Variants in UBASH3A observed in about 807,000 individuals in gnomAD.
UBASH3A encodes ubiquitin-associated and SH3 domain-containing protein A.
In UBASH3A, 63 loss-of-function variants were observed where a neutral mutation model predicts 73.5. The observed-to-expected ratio is 0.86, with a 90% CI of 0.70 to 1.06. UBASH3A has a LOEUF of 1.06. UBASH3A is among the 50% of genes least tolerant of loss of function. UBASH3A has a pLI of 0.00. For missense variants in UBASH3A, 860 were observed against 859.0 expected (o/e 1.00, Z -0.02); for synonymous variants, 363 against 351.1 (o/e 1.03, Z -0.38).
At chr21:42,444,439 A>T in intron 13 of UBASH3A, 95 bp from the exon 14 acceptor site, 1 of 924,282 alleles carries the variant, frequency 1.1e-6, no homozygotes, top group Non-Finnish European at 1.8e-6. Context: ...GGGCACTCTG[A>T]GATAGCTCTG....
rs11290979 is a variant in UBASH3A at position 42,420,772 on chromosome 21, T to TA, written c.1046+2172dup. 2.1e-3 allele frequency among the ~76,000 whole-genome samples: 317 copies of TA among 151,798 alleles called. 2 individuals are homozygous for TA. The highest frequency in any genetic ancestry group is 7.0e-3 in the African/African-American group (288 of 41,402). On this transcript the variant is annotated intron_variant, in intron 7 of 14. Coordinates refer to ENST00000319294, the MANE Select transcript of UBASH3A (RefSeq NM_018961.4). ...TGAGTGTGAGGAAAGCCTAAGTTTT[T>TA]AAAAAAAAATGCCTTCCAACTGCAT...
At chr21:42,418,969 T>A (rs1207161515) in intron 7 of UBASH3A, among the ~76,000 whole-genome samples, 2 of 152,204 alleles carry the variant, frequency 1.3e-5, no homozygotes, top group South Asian at 4.1e-4. Context: ...CTAGGTCGTA[T>A]TATTAGTTTT....
At position 42,429,622 on chromosome 21, in the gene UBASH3A, A is replaced by G. The variant is rs143461841; in HGVS notation, c.1171-2481A>G. Among the ~76,000 whole-genome samples the G allele has an allele frequency of 4.5e-3, 678 of 152,228 alleles. 4 individuals are homozygous for G. The highest frequency in any genetic ancestry group is 0.015 in the African/African-American group (637 of 41,542). ...GCAGATCAGCTCTCTACAGCTCTCT[A>G]GGATGTTTTAATATTCATTCTGGGA... is the stretch of plus-strand genomic sequence containing the variant. On this transcript the variant is annotated intron_variant, in intron 8 of 14. Coordinates refer to ENST00000319294, the MANE Select transcript of UBASH3A (RefSeq NM_018961.4).
In UBASH3A at chr21:42,447,353, T is replaced by G. The variant is rs553439163; in HGVS notation, c.*159T>G. ...ATATCCCGGAATATTTCCCTCCGGC[T>G]TTCGCCTTTGTAACTCCCATCTGTG... On this transcript the variant is annotated 3_prime_UTR_variant, in exon 15 of 15. Transcript: ENST00000319294. 1.2e-6 allele frequency: 1 copy of G among 803,526 alleles called. No individual in the cohort carries two copies. The highest frequency in any genetic ancestry group is 2.9e-5 in the East Asian group (1 of 34,834). The allele number at this position is 803,526 out of a possible 1,614,324, so 49.8% of individuals were successfully genotyped here. A position where few individuals can be genotyped will look rare whatever the true frequency, so the allele number is the denominator to read the frequency against.
chr21:42,427,746 G>C (rs575119864), intron 8 of UBASH3A, among the ~76,000 whole-genome samples: 1 of 152,160 alleles, frequency 6.6e-6, no homozygotes, highest in Non-Finnish European at 1.5e-5. Flanking sequence ...TGCCCAGAGG[G>C]TGGGGTCACA....
intron 8 of UBASH3A, among the ~76,000 whole-genome samples, chr21:42,430,370 G>A (rs1014583355): frequency 3.9e-5 from 6 of 152,176 alleles, no homozygotes; most frequent in East Asian, 1.9e-4. Flanking sequence ...GGATTTGGAG[G>A]GAATCAGGGC....
At position 42,416,437 on chromosome 21, in the gene UBASH3A, C is replaced by A; in HGVS notation, c.668-5C>A. The A allele has an allele frequency of 6.4e-7, 1 of 1,561,654 alleles. No homozygotes were observed. The highest frequency in any genetic ancestry group is 2.0e-5 in the Admixed American group (1 of 51,262). On this transcript the variant is annotated splice_region_variant and splice_polypyrimidine_tract_variant and intron_variant, in intron 5 of 14. Transcript: ENST00000319294. ...GGCACCCTCTGTGTTTCCCTGATTT[C>A]ACAGACTGCTCCGTGAAGCCTTGCA... is the stretch of plus-strand genomic sequence containing the variant.
chr21:42,428,449 G>A (rs1270949593), intron 8 of UBASH3A, among the ~76,000 whole-genome samples: 3 of 152,044 alleles, frequency 2.0e-5, no homozygotes, highest in South Asian at 2.1e-4. Context: ...TGGGAGAGCC[G>A]AGACTCCCCA....
intron 9 of UBASH3A, among the ~76,000 whole-genome samples, chr21:42,433,138 A>T (rs936273017): frequency 1.3e-5 from 2 of 152,254 alleles, no homozygotes; most frequent in African/African-American, 2.4e-5. Context: ...ACAAAAGATC[A>T]AGTCACTTAT....
chr21:42,414,698 C>T (rs939800539), intron 5 of UBASH3A, among the ~76,000 whole-genome samples: 12 of 152,238 alleles, frequency 7.9e-5, no homozygotes, highest in African/African-American at 1.7e-4. Flanking sequence ...AGCCAAGGGA[C>T]GCCTGGGGCC....
intron 8 of UBASH3A, among the ~76,000 whole-genome samples, chr21:42,429,575 A>G (rs547614032): frequency 6.6e-4 from 101 of 152,328 alleles, no homozygotes; most frequent in African/African-American, 2.4e-3. Flanking sequence ...TTCCAAGAGC[A>G]TGCATGCTTT....
At chr21:42,420,355 T>C (rs917954267) in intron 7 of UBASH3A, among the ~76,000 whole-genome samples, 3 of 152,250 alleles carry the variant, frequency 2.0e-5, no homozygotes, top group Non-Finnish European at 4.4e-5. Context: ...TTGTTTTTTA[T>C]TTGTATTTTT....
chr21:42,443,327 G>C lies in UBASH3A; in HGVS notation c.1647G>C (p.Leu549=). The change falls in exon 13 of 15, where the codon CTG becomes CTC. Residue 549 remains leucine (L), a synonymous_variant. Coordinates refer to ENST00000319294, the MANE Select transcript of UBASH3A (RefSeq NM_018961.4). The stretch of plus-strand genomic sequence containing the variant: ...ATCCTTCCAGGCCCGCGTTTCCCCT[G>C]TCCGCCCTCATGCCGGCCGAGAGCT... The part of the protein sequence containing the change: ...IDTDYRPAFP[L]SALMPAESYQ... 1.2e-6 allele frequency: 2 copies of C among 1,613,174 alleles called. No homozygotes were observed. Among genetic ancestry groups the C allele is most frequent in the South Asian group, 2.2e-5 (2 of 90,882 alleles).
At chr21:42,436,862 C>T (rs774651143) in intron 10 of UBASH3A, among the ~76,000 whole-genome samples, 10 of 152,234 alleles carry the variant, frequency 6.6e-5, no homozygotes, top group African/African-American at 1.2e-4. Flanking sequence ...TGTGAAGCCC[C>T]GCCCATTTCT....
intron 9 of UBASH3A, 51 bp from the exon 10 acceptor site, chr21:42,434,781 A>G (rs756019543): frequency 1.9e-6 from 3 of 1,574,860 alleles, no homozygotes; most frequent in Non-Finnish European, 2.6e-6. Flanking sequence ...TGTGGAACAA[A>G]TCTGTACTAA....
intron 6 of UBASH3A, among the ~76,000 whole-genome samples, chr21:42,418,175 C>T (rs937377862): frequency 9.2e-5 from 14 of 152,168 alleles, no homozygotes; most frequent in African/African-American, 3.4e-4. Context: ...AGCCACCGCG[C>T]CTGGCCCCAA....
intron 1 of UBASH3A, chr21:42,404,333 T>G: frequency 3.2e-6 from 1 of 312,192 alleles, no homozygotes. Flanking sequence ...CCTGTTCAAT[T>G]TGTGTTGGCT....
intron 1 of UBASH3A, among the ~76,000 whole-genome samples, chr21:42,404,409 T>C (rs2052927337): frequency 6.6e-6 from 1 of 152,136 alleles, no homozygotes; most frequent in Non-Finnish European, 1.5e-5. Flanking sequence ...CATTAGCTAT[T>C]ATTAGTGTTA....
Position 42,444,700 on chromosome 21 carries a change from G to A in UBASH3A, c.1848+57G>A. 19 of 1,332,634 alleles carry A rather than the reference G, an allele frequency of 1.4e-5. No homozygotes were observed. The South Asian group carries it at 2.1e-4, about 15-fold the overall frequency. The allele number at this position is 1,332,634 out of a possible 1,614,324, so 82.6% of individuals were successfully genotyped here. On this transcript the variant is annotated intron_variant, in intron 14 of 14. Coordinates refer to ENST00000319294, the MANE Select transcript of UBASH3A (RefSeq NM_018961.4). ...AAAATCAAGCATCCCGAAGACACAG[G>A]TTTATCTCATCCACTTCTCGGAATG...
Sources: allele counts gnomAD v4.1 joint callset (sites outside exome capture counted in the v4.1 genomes callset), GRCh38; gene constraint gnomAD v4.1.1; transcripts MANE v1.5; gene names NCBI Gene and HGNC (gene_info 2026-07-23, HGNC 2026-07-21).